Variants in CCDC146 observed in about 807,000 individuals in gnomAD.
The protein encoded by CCDC146 is coiled-coil domain-containing protein 146.
CCDC146 carries 92 observed loss-of-function variants against 119.3 expected under a neutral mutation model. That is an observed-to-expected ratio of 0.77 (90% CI 0.65 to 0.92). The LOEUF (loss-of-function observed/expected upper bound fraction) is 0.92, where lower values mean the gene tolerates loss of function less well. Ranked by LOEUF, CCDC146 falls within the 40% of genes least tolerant of loss-of-function variation. CCDC146 has a pLI of 0.00. For missense variants in CCDC146, 1,000 were observed against 1,103.0 expected, an observed-to-expected ratio of 0.91 and a Z score of 1.32; for synonymous variants, 372 against 371.8, an observed-to-expected ratio of 1.00 and a Z score of -0.01.
At chr7:77,132,033 AAG>A (rs1409917671) in intron 1 of CCDC146, among the ~76,000 whole-genome samples, 4 of 152,318 alleles carry the variant, frequency 2.6e-5, no homozygotes, top group South Asian at 2.1e-4. Context: ...TGTAAACAAA[AAG>A]AGTAATTTTT....
intron 16 of CCDC146, 61 bp downstream of exon 16, chr7:77,286,987 C>T: frequency 6.4e-7 from 1 of 1,564,464 alleles, no homozygotes; most frequent in African/African-American, 1.4e-5. Context: ...TTCACAGATA[C>T]CTATGGTACT....
At chr7:77,267,532 T>A (rs1161327484) in intron 9 of CCDC146, among the ~76,000 whole-genome samples, 3 of 152,274 alleles carry the variant, frequency 2.0e-5, no homozygotes, top group East Asian at 3.9e-4. Context: ...GATCTTTTTT[T>A]TTTTTTTAAT....
intron 4 of CCDC146, among the ~76,000 whole-genome samples, chr7:77,252,252 T>G (rs377502963): frequency 6.6e-6 from 1 of 152,096 alleles, no homozygotes; most frequent in Non-Finnish European, 1.5e-5. Flanking sequence ...AGGTATATGA[T>G]TATGAAAAAA....
At chr7:77,191,599 A>T (rs926210506) in intron 2 of CCDC146, among the ~76,000 whole-genome samples, 1 of 152,116 alleles carries the variant, frequency 6.6e-6, no homozygotes, top group African/African-American at 2.4e-5. Context: ...TCATCAGAGA[A>T]CTCTGCCTAT....
intron 2 of CCDC146, among the ~76,000 whole-genome samples, chr7:77,210,012 C>A (rs1251505360): frequency 6.6e-6 from 1 of 152,216 alleles, no homozygotes; most frequent in East Asian, 1.9e-4. Context: ...GTAAAATGCC[C>A]TTGGAGACAT....
chr7:77,256,635 T>C, intron 6 of CCDC146, 126 bp downstream of exon 6: 1 of 719,240 alleles, frequency 1.4e-6, no homozygotes, highest in Non-Finnish European at 2.3e-6. Context: ...ATATCTGCAT[T>C]GCGATTGATC....
At chr7:77,151,224 C>T (rs1791104636) in intron 1 of CCDC146, among the ~76,000 whole-genome samples, 1 of 152,168 alleles carries the variant, frequency 6.6e-6, no homozygotes, top group African/African-American at 2.4e-5. Flanking sequence ...ACATGGCCTT[C>T]CACAGGTCTC....
intron 2 of CCDC146, among the ~76,000 whole-genome samples, chr7:77,209,723 G>A (rs1792146968): frequency 6.6e-6 from 1 of 152,208 alleles, no homozygotes. Flanking sequence ...TCCCTTGAAA[G>A]CTAGGCAGAG....
chr7:77,134,161 A>G (rs1471234118), intron 1 of CCDC146, among the ~76,000 whole-genome samples: 2 of 95,630 alleles, frequency 2.1e-5, no homozygotes, highest in South Asian at 2.5e-4. Flanking sequence ...GGATTTATTG[A>G]AAAAAAAAAT....
At chr7:77,142,427 A>G (rs1790948733) in intron 1 of CCDC146, among the ~76,000 whole-genome samples, 1 of 151,282 alleles carries the variant, frequency 6.6e-6, no homozygotes, top group African/African-American at 2.5e-5. Context: ...ACATGTATAC[A>G]TGTGCCATGT....
At chr7:77,213,698 C>A (rs1792246701) in intron 2 of CCDC146, among the ~76,000 whole-genome samples, 1 of 152,104 alleles carries the variant, frequency 6.6e-6, no homozygotes, top group African/African-American at 2.4e-5. Flanking sequence ...TGTTTAGCTC[C>A]CACTTATAAG....
At position 77,273,684 on chromosome 7, in the gene CCDC146, T is replaced by C; in HGVS notation, c.1174-10T>C. ...TACATAAATGCATGTTTTTAAATTT[T>C]GATTTCCAGATGGAAGCTATCCCCA... On this transcript the variant is annotated splice_polypyrimidine_tract_variant and intron_variant, in intron 9 of 18. Transcript: ENST00000285871. 3.8e-6 allele frequency: 6 copies of C among 1,594,208 alleles called. No individual in the cohort carries two copies. Among genetic ancestry groups the C allele is most frequent in the African/African-American group, 1.3e-5 (1 of 74,488 alleles).
intron 2 of CCDC146, among the ~76,000 whole-genome samples, chr7:77,229,146 T>G (rs1175584773): frequency 6.6e-6 from 1 of 152,234 alleles, no homozygotes; most frequent in East Asian, 1.9e-4. Flanking sequence ...AAGTGTTCAT[T>G]TCCTTTGCTC....
chr7:77,128,198 A>G (rs1368007991), intron 1 of CCDC146, among the ~76,000 whole-genome samples: 1 of 151,950 alleles, frequency 6.6e-6, no homozygotes, highest in Admixed American at 6.6e-5. Flanking sequence ...GTCATGGCTT[A>G]TAAATTTTTA....
intron 11 of CCDC146, among the ~76,000 whole-genome samples, chr7:77,276,883 C>T (rs1186127993): frequency 6.6e-6 from 1 of 152,106 alleles, no homozygotes; most frequent in Non-Finnish European, 1.5e-5. Flanking sequence ...CCAGCCTGCC[C>T]AACATGGTGA....
At chr7:77,151,639 A>C (rs1039926937) in intron 1 of CCDC146, among the ~76,000 whole-genome samples, 27 of 152,044 alleles carry the variant, frequency 1.8e-4, no homozygotes, top group Admixed American at 5.9e-4. Context: ...TTAAAAAAAA[A>C]CTCTTAATTC....
intron 2 of CCDC146, among the ~76,000 whole-genome samples, chr7:77,226,653 A>G (rs1792520613): frequency 6.6e-6 from 1 of 152,216 alleles, no homozygotes; most frequent in African/African-American, 2.4e-5. Flanking sequence ...GTGAAATCAT[A>G]TTTATGAACT....
At chr7:77,293,223 C>T in intron 18 of CCDC146, 23 bp downstream of exon 18, 1 of 1,609,854 alleles carries the variant, frequency 6.2e-7, no homozygotes, top group South Asian at 1.1e-5. Flanking sequence ...TCCTGTATTG[C>T]ATTTCTAAAG....
chr7:77,174,103 C>T (rs189794244), intron 2 of CCDC146, among the ~76,000 whole-genome samples: 5 of 152,272 alleles, frequency 3.3e-5, no homozygotes, highest in African/African-American at 1.2e-4. Context: ...CCAAGATAAA[C>T]ACTCTACTGG....
Sources: gnomAD v4.1 joint callset for allele counts (sites outside exome capture counted in the v4.1 genomes callset) on GRCh38, gnomAD v4.1.1 for gene constraint, MANE v1.5 for transcripts, NCBI Gene and HGNC (gene_info 2026-07-23, HGNC 2026-07-21) for gene names.